The following PKP2 variants were observed in gnomAD, a reference collection of about 807,000 sequenced individuals.
PKP2 encodes the protein plakophilin-2.
In PKP2, 73 loss-of-function variants were observed where a neutral mutation model predicts 83.4. The ratio of observed to expected loss-of-function variants is 0.88; its 90% CI spans 0.72 to 1.06. The LOEUF (loss-of-function observed/expected upper bound fraction) is 1.06. PKP2 is among the 50% of genes least tolerant of loss of function. The pLI is 0.00. For synonymous variants in PKP2, 409 were observed against 430.4 expected (o/e 0.95, Z 0.62); for missense variants, 966 against 1,065.4 (o/e 0.91, Z 1.30).
chr12:32,894,949 C>T (rs1957108581), intron 1 of PKP2, among the ~76,000 whole-genome samples: 1 of 152,098 alleles, frequency 6.6e-6, no homozygotes, highest in South Asian at 2.1e-4. Context: ...TCAGAACTTC[C>T]TCAATTTTAT....
At chr12:32,823,108 G>A (rs1956398640) in intron 7 of PKP2, among the ~76,000 whole-genome samples, 1 of 152,140 alleles carries the variant, frequency 6.6e-6, no homozygotes, top group African/African-American at 2.4e-5. Flanking sequence ...TTGGTGGATG[G>A]TGATGATTAT....
At chr12:32,834,851 T>C (rs1956530265) in intron 6 of PKP2, among the ~76,000 whole-genome samples, 1 of 150,662 alleles carries the variant, frequency 6.6e-6, no homozygotes, top group African/African-American at 2.4e-5. Flanking sequence ...ATCCAGGGGT[T>C]TTCCAATCAG....
chr12:32,887,253 C>T lies in PKP2; in HGVS notation c.224-8221G>A, dbSNP rs189060263. Among the ~76,000 whole-genome samples the T allele has an allele frequency of 1.4e-4, 22 of 152,282 alleles. No homozygotes were observed. In the East Asian group the frequency reaches 4.1e-3, roughly 28 times the overall value. ...ACAGCTCTCCTGCAAGAGTGGGCCA[C>T]ACATACCACATGCCAGTGTGCGACT... is the stretch of plus-strand genomic sequence containing the variant. On this transcript the variant is annotated intron_variant, in intron 1 of 12. Transcript: ENST00000340811.
intron 3 of PKP2, among the ~76,000 whole-genome samples, chr12:32,877,213 T>C (rs1054383638): frequency 1.3e-5 from 2 of 152,228 alleles, no homozygotes; most frequent in African/African-American, 4.8e-5. Context: ...GGCATTAAAC[T>C]TGAATAAGGG....
chr12:32,834,883 TAGTC>T (rs1263915009), intron 6 of PKP2, among the ~76,000 whole-genome samples: 1 of 150,350 alleles, frequency 6.7e-6, no homozygotes, highest in Admixed American at 6.7e-5. Context: ...ACAGAGTTAA[TAGTC>T]AGGTCACACC....
chr12:32,793,965 T>G (rs1028196430), intron 11 of PKP2, among the ~76,000 whole-genome samples: 1 of 152,200 alleles, frequency 6.6e-6, no homozygotes, highest in Non-Finnish European at 1.5e-5. Flanking sequence ...TAGATCTCTT[T>G]CTCTTCTATC....
chr12:32,801,053 T>C (rs73301718), intron 10 of PKP2, among the ~76,000 whole-genome samples: 6,361 of 152,314 alleles, frequency 0.042, 170 homozygotes, highest in African/African-American at 0.069. Context: ...CTTTTACTTA[T>C]ATATTTGACA....
At chr12:32,875,393 G>A (rs1299683851) in intron 3 of PKP2, among the ~76,000 whole-genome samples, 2 of 152,192 alleles carry the variant, frequency 1.3e-5, no homozygotes, top group African/African-American at 4.8e-5. Flanking sequence ...CTTGCATTAA[G>A]GAAAGTAAAG....
In PKP2 at chr12:32,824,045, C is replaced by G; in HGVS notation, c.1674G>C (p.Lys558Asn). 4 of 1,533,350 alleles carry G rather than the reference C, an allele frequency of 2.6e-6. No homozygotes were observed. Among genetic ancestry groups the G allele is most frequent in the Non-Finnish European group, 3.6e-6 (4 of 1,107,196 alleles). 95.0% of individuals were successfully genotyped at this position (1,533,350 alleles called of 1,614,324 possible). Reference protein sequence around the residue: ...GTIADYQPDDKATENCVCILH... With the variant: ...GTIADYQPDDNATENCVCILH... ...ACAGGATATTTATCTCTTGAATTAC[C>G]TTGTCATCTGGCTGGTAATCTGCAA... The change falls in exon 7 of 13, where the codon AAG (lysine) becomes AAC (asparagine). Residue 558 changes from lysine to asparagine, a missense_variant and splice_region_variant. Transcript: ENST00000340811.
At chr12:32,885,940 T>C (rs185026909) in intron 1 of PKP2, among the ~76,000 whole-genome samples, 6 of 152,288 alleles carry the variant, frequency 3.9e-5, no homozygotes, top group Middle Eastern at 3.4e-3. Context: ...CGTCTTTTCT[T>C]TCAATCTTCT....
At chr12:32,797,851 T>G (rs1592727342) in intron 10 of PKP2, among the ~76,000 whole-genome samples, 1 of 151,810 alleles carries the variant, frequency 6.6e-6, no homozygotes. Context: ...CTACCGCGCC[T>G]GGCCAAGCTA....
intron 9 of PKP2, among the ~76,000 whole-genome samples, chr12:32,815,586 G>A (rs1018383031): frequency 1.3e-5 from 2 of 152,122 alleles, no homozygotes; most frequent in Non-Finnish European, 2.9e-5. Flanking sequence ...ACAAGATGGG[G>A]AATCAAATAA....
intron 1 of PKP2, among the ~76,000 whole-genome samples, chr12:32,892,107 T>C (rs1018010400): frequency 2.0e-5 from 3 of 151,746 alleles, no homozygotes. Flanking sequence ...CATCTCACTC[T>C]TTTTTTTCCC....
rs766622938 is a variant in PKP2 at position 32,841,149 on chromosome 12, C to G, written c.1435G>C (p.Ala479Pro). ...ATATTCTCCGTCAGCGTAAGCAATG[C>G]TTCTGTTATCATGAGATTCTTGAGT... ...DKLKNLMITEALLTLTENIII... is the reference protein window; with the variant it reads ...DKLKNLMITEPLLTLTENIII... Residue 479 changes from alanine to proline, a missense_variant, in exon 6 of 13, where the codon GCA becomes CCA. Ala to Pro is a conservative substitution (Grantham distance 27). Coordinates refer to ENST00000340811, the MANE Select transcript of PKP2 (RefSeq NM_001005242.3). 6.2e-7 allele frequency: 1 copy of G among 1,613,476 alleles called. No individual in the cohort carries two copies. Among genetic ancestry groups the G allele is most frequent in the South Asian group, 1.1e-5 (1 of 91,068 alleles).
At position 32,825,412 on chromosome 12, in the gene PKP2, C is replaced by T. The variant is rs767390095; in HGVS notation, c.1557-1250G>A. 3.4e-4 allele frequency among the ~76,000 whole-genome samples: 51 copies of T among 152,124 alleles called. 1 individual carries two copies. The Middle Eastern group carries it at 0.014, about 41-fold the overall frequency. On this transcript the variant is annotated intron_variant, in intron 6 of 12. Transcript: ENST00000340811. ...GGTCTCTATCTCTTGACCTTGTGAA[C>T]CGCCCGCCTTGGCCTCCCAAAGTGC...
At chr12:32,841,481 A>G (rs776735156) in intron 5 of PKP2, among the ~76,000 whole-genome samples, 1 of 152,208 alleles carries the variant, frequency 6.6e-6, no homozygotes, top group African/African-American at 2.4e-5. Context: ...AGACATGCTT[A>G]AGCATTTATT....
chr12:32,831,245 A>T (rs1440705725), intron 6 of PKP2, among the ~76,000 whole-genome samples: 2 of 152,226 alleles, frequency 1.3e-5, no homozygotes, highest in African/African-American at 4.8e-5. Context: ...CCTCCAAGAT[A>T]GGCACAGATT....
In PKP2 at chr12:32,845,724, C is replaced by T. The variant is rs544798442; in HGVS notation, c.1379-4519G>A. 1.2e-3 allele frequency among the ~76,000 whole-genome samples: 189 copies of T among 152,106 alleles called. 2 individuals carry two copies. Among genetic ancestry groups the T allele is most frequent in the African/African-American group, 3.9e-3 (163 of 41,492 alleles). On this transcript the variant is annotated intron_variant, in intron 5 of 12. Transcript: ENST00000340811. ...AGGAGGCAGAGATGAGGACAATGACCGCTCGGACAAGGACAAGAAAGAAAA... is the reference window on the plus strand; with the variant it reads ...AGGAGGCAGAGATGAGGACAATGACTGCTCGGACAAGGACAAGAAAGAAAA...
chr12:32,838,881 C>G (rs74568164), intron 6 of PKP2, among the ~76,000 whole-genome samples: 10,598 of 152,246 alleles, frequency 0.07, 398 homozygotes, highest in Middle Eastern at 0.13. Flanking sequence ...CAAGCACTAG[C>G]TTTTGCTGGG....
Sources: allele counts gnomAD v4.1 joint callset (sites outside exome capture counted in the v4.1 genomes callset), GRCh38; gene constraint gnomAD v4.1.1; transcripts MANE v1.5; gene names NCBI Gene and HGNC (gene_info 2026-07-23, HGNC 2026-07-21).